The following CUBN variants were observed in gnomAD, a reference collection of about 807,000 sequenced individuals.
CUBN encodes 460 kDa receptor.
Under a neutral mutation model 405.3 loss-of-function variants are expected in CUBN, and 282 were observed. That is an observed-to-expected ratio of 0.70 (90% confidence interval 0.63 to 0.77). The LOEUF (loss-of-function observed/expected upper bound fraction) is 0.77. CUBN is among the 30% of genes least tolerant of loss of function. The pLI, the probability that CUBN is intolerant of heterozygous loss-of-function variation, is 0.00. For synonymous variants in CUBN, 1,684 were observed against 1,617.0 expected, an observed-to-expected ratio of 1.04 and a Z score of -0.99; for missense variants, 4,514 against 4,475.2, an observed-to-expected ratio of 1.01 and a Z score of -0.25.
Position 16,835,087 on chromosome 10 carries a change from T to G in CUBN, c.10289A>C (p.Asn3430Thr). The part of the protein sequence containing the change: ...DCTVTLTAPQ[N>T]HTISLFFHSL... ...ATGAAAAAAGAGGGAAATGGTGTGGTTCTGGGGGGCTGTGAGAGTAACGGT... is the reference window on the plus strand; with the variant it reads ...ATGAAAAAAGAGGGAAATGGTGTGGGTCTGGGGGGCTGTGAGAGTAACGGT... Residue 3430 changes from asparagine (N) to threonine (T), a missense_variant, in exon 64 of 67, where the codon AAC (asparagine) becomes ACC (threonine). By Grantham distance (65) the Asn-to-Thr change is moderately conservative. This residue lies in a region of CUBN where 1,186 missense variants were observed against 1,186.9 expected (regional missense o/e 1.00). Coordinates refer to ENST00000377833, the MANE Select transcript of CUBN (RefSeq NM_001081.4). 1 of 1,614,050 alleles carries G rather than the reference T, an allele frequency of 6.2e-7. No individual in the cohort carries two copies.
intron 55 of CUBN, among the ~76,000 whole-genome samples, chr10:16,889,145 T>G (rs1840915895): frequency 6.6e-6 from 1 of 152,216 alleles, no homozygotes; most frequent in Non-Finnish European, 1.5e-5. Context: ...CATATAACCA[T>G]TGACTAGTTA....
At chr10:17,004,872 C>T (rs1172386324) in intron 28 of CUBN, among the ~76,000 whole-genome samples, 2 of 151,958 alleles carry the variant, frequency 1.3e-5, no homozygotes, top group African/African-American at 4.8e-5. Context: ...GTGGGCCAGG[C>T]CAGTCTCAAA....
At chr10:17,102,773 AT>A (rs994308914) in intron 13 of CUBN, among the ~76,000 whole-genome samples, 8 of 150,246 alleles carry the variant, frequency 5.3e-5, no homozygotes, top group African/African-American at 9.8e-5. Context: ...CACCTGGCTA[AT>A]TTTTTTTTAT....
chr10:16,973,633 C>G (rs549177976), intron 31 of CUBN, among the ~76,000 whole-genome samples: 36 of 152,230 alleles, frequency 2.4e-4, no homozygotes, highest in African/African-American at 7.5e-4. Context: ...CAACTTGCTC[C>G]CTCCTCCCAG....
intron 59 of CUBN, among the ~76,000 whole-genome samples, chr10:16,868,720 G>A (rs1840258197): frequency 6.6e-6 from 1 of 152,108 alleles, no homozygotes; most frequent in African/African-American, 2.4e-5. Context: ...TGCAGTGGGA[G>A]TAATCTGGGG....
At position 16,851,590 on chromosome 10, in the gene CUBN, T is replaced by TCCTC. The variant is rs372530962; in HGVS notation, c.9455-151_9455-148dup. ...TCATTCCCTCCTGGGCTCCCTCCTT[T>TCCTC]CCTCCCTCCCTCTTTTCTTTTCTTT... On this transcript the variant is annotated intron_variant, in intron 59 of 66. Coordinates refer to ENST00000377833, the MANE Select transcript of CUBN (RefSeq NM_001081.4). The TCCTC allele has an allele frequency of 3.0e-4, 231 of 762,180 alleles. No homozygotes were observed. In the African/African-American group the frequency reaches 3.7e-3, roughly 12 times the overall value. 47.2% of individuals were successfully genotyped at this position (762,180 alleles called of 1,614,324 possible).
chr10:17,027,408 T>G (rs115461696), intron 27 of CUBN, among the ~76,000 whole-genome samples: 2,028 of 152,266 alleles, frequency 0.013, 39 homozygotes, highest in African/African-American at 0.047. Flanking sequence ...ATGTACTGAA[T>G]AATCTCCTTC....
chr10:17,105,275 A>C (rs997653873), intron 11 of CUBN, among the ~76,000 whole-genome samples, 182 bp downstream of exon 11: 2 of 152,154 alleles, frequency 1.3e-5, no homozygotes, highest in African/African-American at 4.8e-5. Flanking sequence ...CAAAAAATTA[A>C]CTCAATGTTT....
rs1038642407 is a variant in CUBN, at chr10:17,126,783, C to T, written c.365G>A (p.Arg122Lys). 1.9e-6 allele frequency: 3 copies of T among 1,614,040 alleles called. No individual in the cohort carries two copies. The highest frequency in any genetic ancestry group is 2.5e-6 in the Non-Finnish European group (3 of 1,180,036). ...TACCTGCTGCAAGCCTTGGAATTTT[C>T]TCTCAAGATCCACCAGCTGGCAATA... ...QLNSKLVDLE[R>K]KFQGLQQTVD... is the part of the protein sequence containing the mutation. The change falls in exon 4 of 67, where the codon AGA becomes AAA. Residue 122 changes from arginine to lysine, a missense_variant. Arg to Lys is a conservative substitution (Grantham distance 26). Transcript: ENST00000377833.
chr10:16,854,250 G>A (rs1442389960), intron 59 of CUBN, among the ~76,000 whole-genome samples: 1 of 152,112 alleles, frequency 6.6e-6, no homozygotes, highest in Non-Finnish European at 1.5e-5. Context: ...TATATGCATG[G>A]GCAAGCATAA....
chr10:17,119,154 C>T lies in CUBN; in HGVS notation c.594-3557G>A, dbSNP rs550793812. 2.0e-5 allele frequency among the ~76,000 whole-genome samples: 3 copies of T among 152,250 alleles called. No individual in the cohort carries two copies. The East Asian group carries it at 5.8e-4, about 29-fold the overall frequency. ...CCACCTGAGCTAAAACTAGATTATC[C>T]TCATTGTTTAAACTCTGCATGATGT... On this transcript the variant is annotated intron_variant, in intron 6 of 66. Transcript: ENST00000377833.
intron 31 of CUBN, among the ~76,000 whole-genome samples, chr10:16,966,471 C>T (rs1272814686): frequency 4.0e-5 from 6 of 150,912 alleles, no homozygotes; most frequent in Non-Finnish European, 8.8e-5. Context: ...TTTTCTGAGA[C>T]AGAGTCTCGC....
chr10:17,023,540 T>C (rs1400637814), intron 27 of CUBN: 1 of 446,926 alleles, frequency 2.2e-6, no homozygotes, highest in Non-Finnish European at 4.5e-6. Context: ...TTTTTCAAAG[T>C]ATACAAATAC....
At chr10:17,042,928 T>A (rs1835048985) in intron 26 of CUBN, among the ~76,000 whole-genome samples, 1 of 152,138 alleles carries the variant, frequency 6.6e-6, no homozygotes, top group Non-Finnish European at 1.5e-5. Context: ...AAAAGATAAT[T>A]GTGTAAAATT....
At chr10:16,995,390 C>A (rs775925632) in intron 28 of CUBN, among the ~76,000 whole-genome samples, 6 of 152,212 alleles carry the variant, frequency 3.9e-5, no homozygotes, top group Non-Finnish European at 7.3e-5. Flanking sequence ...TGAATACTTA[C>A]TTCATAGGGT....
intron 9 of CUBN, among the ~76,000 whole-genome samples, chr10:17,110,701 T>C (rs910050758): frequency 5.3e-5 from 8 of 152,054 alleles, no homozygotes; most frequent in Admixed American, 4.6e-4. Flanking sequence ...CTAATTTTTG[T>C]CTTTTTAGTA....
At chr10:17,075,982 G>C (rs1835846776) in intron 17 of CUBN, among the ~76,000 whole-genome samples, 1 of 152,128 alleles carries the variant, frequency 6.6e-6, no homozygotes, top group African/African-American at 2.4e-5. Context: ...TTGAAAACTA[G>C]AAAGCATGAA....
At chr10:16,974,173 T>C (rs1012671912) in intron 31 of CUBN, among the ~76,000 whole-genome samples, 3 of 152,172 alleles carry the variant, frequency 2.0e-5, no homozygotes, top group Non-Finnish European at 4.4e-5. Flanking sequence ...CCTCTTATTA[T>C]CCCCATTTCC....
intron 53 of CUBN, 56 bp from the exon 54 acceptor site, chr10:16,899,239 C>G: frequency 8.0e-7 from 1 of 1,255,786 alleles, no homozygotes; most frequent in Non-Finnish European, 1.2e-6. Context: ...ATTTTGGAAA[C>G]TCAAGACTGC....
Sources: allele counts gnomAD v4.1 joint callset (sites outside exome capture counted in the v4.1 genomes callset), GRCh38; gene constraint gnomAD v4.1.1; regional missense constraint gnomAD v4.1.1; transcripts MANE v1.5; gene names NCBI Gene and HGNC (gene_info 2026-07-23, HGNC 2026-07-21).